The following ARMC2 variants were observed in gnomAD, a reference collection of about 807,000 sequenced individuals.
The protein encoded by ARMC2 is armadillo repeat containing 2.
ARMC2 carries 67 observed loss-of-function variants against 90.3 expected under a neutral mutation model. That is an observed-to-expected ratio of 0.74 (90% confidence interval 0.61 to 0.91). The LOEUF (loss-of-function observed/expected upper bound fraction) is 0.91, where lower values mean the gene tolerates loss of function less well. ARMC2 is among the 40% of genes least tolerant of loss of function. The pLI is 0.00. For synonymous variants in ARMC2, 393 were observed against 393.0 expected (o/e 1.00, Z 0.00); for missense variants, 920 against 1,030.9 (o/e 0.89, Z 1.47).
At chr6:109,036,656 C>G in the ARMC2 span, among the ~76,000 whole-genome samples, 2 of 152,134 alleles carry the variant, frequency 1.3e-5, no homozygotes, top group African/African-American at 2.4e-5. Flanking sequence ...GTTTTTAACA[C>G]TTCACAAGTA....
chr6:108,955,202 G>T (rs1428793647), intron 13 of ARMC2, among the ~76,000 whole-genome samples: 2 of 152,136 alleles, frequency 1.3e-5, no homozygotes, highest in Non-Finnish European at 2.9e-5. Flanking sequence ...TTAGAACAAG[G>T]TTTTAAAAAT....
the ARMC2 span, among the ~76,000 whole-genome samples, chr6:109,051,436 T>C: frequency 1.3e-5 from 2 of 152,204 alleles, no homozygotes; most frequent in African/African-American, 4.8e-5. Context: ...TGAGTAATAC[T>C]ATATGAATGG....
chr6:109,009,580 A>C, the ARMC2 span: 2 of 1,079,980 alleles, frequency 1.9e-6, no homozygotes, highest in Non-Finnish European at 2.2e-6. Flanking sequence ...GCGCCGACAA[A>C]CAAGCCGCGC....
chr6:108,867,771 CA>C (rs879705774), intron 3 of ARMC2, among the ~76,000 whole-genome samples: 143 of 138,654 alleles, frequency 1.0e-3, no homozygotes, highest in Admixed American at 1.0e-3. Flanking sequence ...AACTTCATCT[CA>C]AAAAAAAAAA....
At chr6:108,861,891 AG>A (rs1234236708) in intron 3 of ARMC2, among the ~76,000 whole-genome samples, 1 of 152,254 alleles carries the variant, frequency 6.6e-6, no homozygotes, top group East Asian at 1.9e-4. Flanking sequence ...TCCCTTAAAA[AG>A]AATCTCATTT....
chr6:108,933,358 G>T (rs926735316), intron 11 of ARMC2, among the ~76,000 whole-genome samples: 2 of 151,912 alleles, frequency 1.3e-5, no homozygotes, highest in South Asian at 4.2e-4. Flanking sequence ...TTCTGATTCG[G>T]CTCTCTGCTT....
intron 3 of ARMC2, among the ~76,000 whole-genome samples, chr6:108,863,328 C>G (rs1282245989): frequency 6.6e-6 from 1 of 152,106 alleles, no homozygotes; most frequent in Non-Finnish European, 1.5e-5. Context: ...AGTGATCCCC[C>G]CACCTTGGCC....
chr6:108,860,321 C>T (rs928039528), intron 3 of ARMC2, among the ~76,000 whole-genome samples: 1 of 152,032 alleles, frequency 6.6e-6, no homozygotes, highest in African/African-American at 2.4e-5. Flanking sequence ...CTGCTTTTTA[C>T]ACTAGAGACT....
At chr6:108,998,545 C>T in the ARMC2 span, 1 of 1,613,900 alleles carries the variant, frequency 6.2e-7, no homozygotes, top group Non-Finnish European at 8.5e-7. Context: ...ACCGGCATCT[C>T]ATCCACACTG....
At chr6:108,894,638 G>A (rs1156906577) in intron 6 of ARMC2, 95 bp downstream of exon 6, 5 of 1,099,838 alleles carry the variant, frequency 4.5e-6, no homozygotes, top group Non-Finnish European at 6.4e-6. Context: ...GGAAACTTAA[G>A]GAAGTTTGTC....
At chr6:108,937,138 G>A in intron 12 of ARMC2, 139 bp downstream of exon 12, 1 of 675,624 alleles carries the variant, frequency 1.5e-6, no homozygotes, top group Non-Finnish European at 2.4e-6. Flanking sequence ...GGCTGTCCTG[G>A]GAAGCAGTAA....
the ARMC2 span, among the ~76,000 whole-genome samples, chr6:109,034,683 A>G: frequency 0.072 from 10,991 of 152,212 alleles, 893 homozygotes; most frequent in African/African-American, 0.2. Context: ...AGGGAATGGG[A>G]GTGTGCATAG....
At chr6:108,907,465 T>C (rs903301217) in intron 8 of ARMC2, 33 of 500,250 alleles carry the variant, frequency 6.6e-5, no homozygotes, top group African/African-American at 3.4e-4. Context: ...TTTCTTTTTT[T>C]TTTTTTTTTT....
rs767703229 is a variant in ARMC2 at position 108,973,435 on chromosome 6, A to T, written c.2525A>T (p.Lys842Ile). 1.2e-6 allele frequency: 2 copies of T among 1,613,836 alleles called. No homozygotes were observed. The highest frequency in any genetic ancestry group is 2.7e-5 in the African/African-American group (2 of 74,926). Residue 842 changes from lysine to isoleucine, a missense_variant, in exon 18 of 18, where the codon AAA becomes ATA. By Grantham distance (102) the Lys-to-Ile change is moderately radical (BLOSUM62 -3). Coordinates refer to ENST00000392644, the MANE Select transcript of ARMC2 (RefSeq NM_032131.6). ...AAACTCCATTGGGAAACAGAATTCA[A>T]ACCTGTGGCACAGCAGCTTCTAAAC... ...YHKLHWETEF[K>I]PVAQQLLNRI...
chr6:108,853,030 A>G (rs190805985), intron 1 of ARMC2, among the ~76,000 whole-genome samples: 44 of 152,306 alleles, frequency 2.9e-4, no homozygotes, highest in African/African-American at 9.4e-4. Context: ...GCCTCTCATC[A>G]TTTTTGATAG....
rs114092817 is a variant in ARMC2, at chr6:108,960,486, A to C, written c.1916-1086A>C. Among the ~76,000 whole-genome samples, 503 of 152,304 alleles carry C rather than the reference A, an allele frequency of 3.3e-3. 2 individuals carry two copies. The highest frequency in any genetic ancestry group is 0.012 in the African/African-American group (481 of 41,576). On this transcript the variant is annotated intron_variant, in intron 13 of 17. Transcript: ENST00000392644. ...TCAATTATTCTTGCATCCAGCACTCACTATGTGCCAGGCACTGTTCTAGAA... is the reference window on the plus strand; with the variant it reads ...TCAATTATTCTTGCATCCAGCACTCCCTATGTGCCAGGCACTGTTCTAGAA...
the ARMC2 span, among the ~76,000 whole-genome samples, chr6:109,016,831 G>A: frequency 3.3e-5 from 5 of 152,214 alleles, no homozygotes; most frequent in African/African-American, 1.2e-4. Flanking sequence ...CATTTTGCTT[G>A]TAGTAATAGA....
intron 8 of ARMC2, among the ~76,000 whole-genome samples, chr6:108,905,674 C>T (rs936598222): frequency 6.6e-6 from 1 of 152,106 alleles, no homozygotes; most frequent in Non-Finnish European, 1.5e-5. Flanking sequence ...ATATATGACA[C>T]AAATTTAACT....
At chr6:109,038,233 C>A in the ARMC2 span, among the ~76,000 whole-genome samples, 18 of 152,226 alleles carry the variant, frequency 1.2e-4, no homozygotes, top group Admixed American at 2.6e-4. Context: ...TGGCTCACGC[C>A]TATAATCCCA....
Sources: gnomAD v4.1 joint callset for allele counts (sites outside exome capture counted in the v4.1 genomes callset) on GRCh38, gnomAD v4.1.1 for gene constraint, MANE v1.5 for transcripts, NCBI Gene and HGNC (gene_info 2026-07-23, HGNC 2026-07-21) for gene names.